NEK11: variants seen among roughly 807,000 people sequenced by gnomAD.
The protein encoded by NEK11 is NIMA related kinase 11.
In NEK11, 72 loss-of-function variants were observed where a neutral mutation model predicts 80.7. The observed-to-expected ratio is 0.89, with a 90% CI of 0.74 to 1.08. NEK11 has a LOEUF of 1.08. NEK11 is among the 50% of genes least tolerant of loss of function. The pLI is 0.00. For synonymous variants in NEK11, 251 were observed against 260.7 expected (o/e 0.96, Z 0.36); for missense variants, 764 against 763.6 (o/e 1.00, Z -0.01).
intron 16 of NEK11, among the ~76,000 whole-genome samples, chr3:131,249,503 C>T (rs961205843): frequency 2.0e-5 from 3 of 152,060 alleles, no homozygotes; most frequent in African/African-American, 4.8e-5. Context: ...AAAACAGACT[C>T]GATTTGGGGG....
At chr3:131,214,716 T>TGA (rs2094759296) in intron 14 of NEK11, among the ~76,000 whole-genome samples, 1 of 151,582 alleles carries the variant, frequency 6.6e-6, no homozygotes, top group East Asian at 1.9e-4. Context: ...TGTGTGTGTG[T>TGA]GTGTGTGTAG....
intron 5 of NEK11, among the ~76,000 whole-genome samples, chr3:131,120,960 A>G (rs572302328): frequency 3.6e-4 from 55 of 152,314 alleles, no homozygotes; most frequent in African/African-American, 9.9e-4. Flanking sequence ...GTTATTACCT[A>G]TCGGCTGAAC....
intron 16 of NEK11, among the ~76,000 whole-genome samples, chr3:131,267,109 T>C (rs2096073854): frequency 6.6e-6 from 1 of 152,224 alleles, no homozygotes; most frequent in Non-Finnish European, 1.5e-5. Context: ...GTCTCCTGAA[T>C]ACAGCATACT....
At chr3:131,046,951 A>G (rs1454397064) in intron 3 of NEK11, among the ~76,000 whole-genome samples, 2 of 152,182 alleles carry the variant, frequency 1.3e-5, no homozygotes, top group African/African-American at 2.4e-5. Context: ...TTGGTTGTTT[A>G]GCATAATCTC....
chr3:131,035,187 G>A (rs922554890), intron 3 of NEK11, among the ~76,000 whole-genome samples: 3 of 152,168 alleles, frequency 2.0e-5, no homozygotes, highest in Admixed American at 6.5e-5. Flanking sequence ...TCCTCAGAGA[G>A]CTCTTGGGTC....
intron 12 of NEK11, among the ~76,000 whole-genome samples, chr3:131,167,872 CAA>C (rs1471919424): frequency 6.6e-6 from 1 of 152,202 alleles, no homozygotes; most frequent in African/African-American, 2.4e-5. Context: ...CTGTTCTGGA[CAA>C]AGACTGTGGT....
At chr3:131,198,195 T>A (rs1560917801) in intron 14 of NEK11, among the ~76,000 whole-genome samples, 1 of 152,188 alleles carries the variant, frequency 6.6e-6, no homozygotes. Context: ...TTTCAAGTAT[T>A]CCATTATCAC....
At chr3:131,143,292 C>T (rs939483077) in intron 7 of NEK11, among the ~76,000 whole-genome samples, 2 of 152,064 alleles carry the variant, frequency 1.3e-5, no homozygotes, top group African/African-American at 4.8e-5. Context: ...TAGATTGGTC[C>T]ACTTTAGATA....
intron 16 of NEK11, among the ~76,000 whole-genome samples, chr3:131,245,789 GAGTT>G (rs1277027273): frequency 2.4e-4 from 37 of 151,726 alleles, no homozygotes; most frequent in Admixed American, 9.9e-4. Flanking sequence ...CTTTTTATTC[GAGTT>G]AGTTGGGGTT....
At chr3:131,042,677 G>C (rs1446571075) in intron 3 of NEK11, among the ~76,000 whole-genome samples, 1 of 152,174 alleles carries the variant, frequency 6.6e-6, no homozygotes, top group Non-Finnish European at 1.5e-5. Flanking sequence ...GGCGGCTGTG[G>C]GTACAGCTTC....
chr3:131,250,925 C>G (rs569939490), intron 16 of NEK11, among the ~76,000 whole-genome samples: 1 of 152,030 alleles, frequency 6.6e-6, no homozygotes, highest in Non-Finnish European at 1.5e-5. Context: ...AAAATGTAAT[C>G]TGCACACACT....
chr3:131,081,569 G>A (rs2075284388), intron 4 of NEK11, among the ~76,000 whole-genome samples: 1 of 152,162 alleles, frequency 6.6e-6, no homozygotes, highest in Non-Finnish European at 1.5e-5. Context: ...GACAGGGCTT[G>A]GGTCAGGTAG....
chr3:131,153,566 A>C (rs904964748), intron 9 of NEK11, among the ~76,000 whole-genome samples: 2 of 152,016 alleles, frequency 1.3e-5, no homozygotes, highest in African/African-American at 4.8e-5. Flanking sequence ...TTCCTCTGTA[A>C]TTTTATGCGT....
At chr3:131,090,156 A>T (rs2149134306) in intron 4 of NEK11, among the ~76,000 whole-genome samples, 1 of 152,348 alleles carries the variant, frequency 6.6e-6, no homozygotes, top group Non-Finnish European at 1.5e-5. Flanking sequence ...TTAAAATTTG[A>T]TAATAACGAT....
chr3:131,258,936 C>G (rs1252607035), intron 16 of NEK11, among the ~76,000 whole-genome samples: 1 of 152,068 alleles, frequency 6.6e-6, no homozygotes, highest in African/African-American at 2.4e-5. Flanking sequence ...TGGTGGACAT[C>G]ATGGGGAGGT....
chr3:131,300,433 C>A (rs1221661635), intron 17 of NEK11, among the ~76,000 whole-genome samples: 1 of 151,934 alleles, frequency 6.6e-6, no homozygotes, highest in Non-Finnish European at 1.5e-5. Context: ...CTTTTGTCAT[C>A]TTCATCATTA....
At chr3:131,187,320 A>C (rs2093638548) in intron 14 of NEK11, among the ~76,000 whole-genome samples, 1 of 152,200 alleles carries the variant, frequency 6.6e-6, no homozygotes, top group Non-Finnish European at 1.5e-5. Context: ...ATTGGGCAGC[A>C]CTGTTCCAGA....
Position 131,255,718 on chromosome 3 carries a change from GA to G in NEK11, c.1621+12230del, listed in dbSNP as rs1407880540. ...TCTATTCATTCATTAAGTGATTATT[GA>G]AAAAAAAGTTGTATGCCATACTATG... On this transcript the variant is annotated intron_variant, in intron 16 of 17. Coordinates refer to ENST00000383366, the MANE Select transcript of NEK11 (RefSeq NM_024800.5). Among the ~76,000 whole-genome samples the G allele has an allele frequency of 3.9e-5, 6 of 151,912 alleles. No homozygotes were observed. The East Asian group carries it at 7.7e-4, about 20-fold the overall frequency.
At chr3:131,306,210 C>T (rs977680549) in intron 17 of NEK11, among the ~76,000 whole-genome samples, 1 of 152,044 alleles carries the variant, frequency 6.6e-6, no homozygotes, top group African/African-American at 2.4e-5. Flanking sequence ...AACATCCCTG[C>T]CTTGTCTTGT....
Sources: gnomAD v4.1 joint callset for allele counts (sites outside exome capture counted in the v4.1 genomes callset) on GRCh38, gnomAD v4.1.1 for gene constraint, MANE v1.5 for transcripts, NCBI Gene and HGNC (gene_info 2026-07-23, HGNC 2026-07-21) for gene names.